PDE4D: variants seen among roughly 807,000 people sequenced by gnomAD.
PDE4D encodes the protein 3',5'-cyclic-AMP phosphodiesterase 4D.
In PDE4D, 24 loss-of-function variants were observed where a neutral mutation model predicts 87.4. The ratio of observed to expected loss-of-function variants is 0.27; its 90% CI spans 0.20 to 0.39. PDE4D has a LOEUF of 0.39. Ranked by LOEUF, PDE4D falls within the 10% of genes least tolerant of loss-of-function variation. The pLI, the probability that PDE4D is intolerant of heterozygous loss-of-function variation, is 1.00. For missense variants in PDE4D, 714 were observed against 1,041.0 expected (o/e 0.69, Z 4.32); for synonymous variants, 384 against 383.2 (o/e 1.00, Z -0.02).
intron 2 of PDE4D, among the ~76,000 whole-genome samples, chr5:60,072,892 T>C (rs1772878239): frequency 6.6e-6 from 1 of 152,168 alleles, no homozygotes; most frequent in Non-Finnish European, 1.5e-5. Flanking sequence ...TTGGATACCG[T>C]ATCCCTGTAG....
At chr5:59,659,931 T>C (rs1354994130) in intron 1 of PDE4D, among the ~76,000 whole-genome samples, 2 of 152,140 alleles carry the variant, frequency 1.3e-5, no homozygotes, top group East Asian at 3.9e-4. Flanking sequence ...ATGCCTGCAA[T>C]CTTACCACTT....
At chr5:59,111,655 C>T (rs1772662347) in intron 5 of PDE4D, among the ~76,000 whole-genome samples, 1 of 152,162 alleles carries the variant, frequency 6.6e-6, no homozygotes, top group Non-Finnish European at 1.5e-5. Flanking sequence ...TATTCTAAAT[C>T]CCAAGGGGAA....
chr5:59,287,654 G>A (rs527513790), intron 1 of PDE4D, among the ~76,000 whole-genome samples: 84 of 152,144 alleles, frequency 5.5e-4, no homozygotes, highest in African/African-American at 1.9e-3. Flanking sequence ...TGCAGTCCCA[G>A]TGGTGGTGGC....
chr5:59,430,471 C>T, intron 1 of PDE4D: 2 of 1,218,784 alleles, frequency 1.6e-6, no homozygotes, highest in Non-Finnish European at 2.0e-6. Context: ...GACCAGCATT[C>T]CTGGGAAGGC....
chr5:58,975,068 C>T lies in PDE4D; in HGVS notation c.2026G>A (p.Asp676Asn). 6.7e-7 allele frequency: 1 copy of T among 1,502,978 alleles called. No individual in the cohort carries two copies. 93.1% of individuals were successfully genotyped at this position (1,502,978 alleles called of 1,614,324 possible). ...TCCCAGAGGGGATGAACAATATAGT[C>T]TATGAAGCCCACCTAGTTAAGAAAA... ...SVEKSQVGFIDYIVHPLWETW... is the reference protein window; with the variant it reads ...SVEKSQVGFINYIVHPLWETW... The change falls in exon 15 of 15, where the codon GAC (aspartate) becomes AAC (asparagine). Residue 676 changes from aspartate (D) to asparagine (N), a missense_variant. Physicochemically the swap from Asp to Asn is conservative, Grantham distance 23. Around this residue, in one of 7 missense-constraint regions of PDE4D, gnomAD observed 97 missense variants for 176.9 expected, o/e 0.55. Coordinates refer to ENST00000340635, the MANE Select transcript of PDE4D (RefSeq NM_001104631.2). The surrounding 1 kb of genome is among the most constrained non-coding windows in gnomAD (Gnocchi z 4.2).
At chr5:59,226,488 G>A (rs1753801149) in intron 1 of PDE4D, among the ~76,000 whole-genome samples, 3 of 152,134 alleles carry the variant, frequency 2.0e-5, no homozygotes, top group African/African-American at 7.2e-5. Context: ...TGCTGGGCCT[G>A]GGTGGAGGGA....
At position 60,059,246 on chromosome 5, in the gene PDE4D, C is replaced by A. The variant is rs549903215; in HGVS notation, c.43-70529G>T. On this transcript the variant is annotated intron_variant, in intron 2 of 16. Coordinates refer to the PDE4D transcript ENST00000502484. Reference sequence around the variant, plus strand: ...GCAGCTGTCTGTGATCTTTCCACTTCCCAGTTTCTTGCATTCTAGTAGCAA... The same window carrying A: ...GCAGCTGTCTGTGATCTTTCCACTTACCAGTTTCTTGCATTCTAGTAGCAA... 5.9e-5 allele frequency among the ~76,000 whole-genome samples: 9 copies of A among 151,998 alleles called. No individual in the cohort carries two copies. The East Asian group carries it at 1.4e-3, about 23-fold the overall frequency.
At chr5:59,562,843 A>G (rs1485264588) in intron 1 of PDE4D, among the ~76,000 whole-genome samples, 1 of 152,008 alleles carries the variant, frequency 6.6e-6, no homozygotes, top group Non-Finnish European at 1.5e-5. Context: ...TCACTTCCTC[A>G]TATGGTAATT....
intron 2 of PDE4D, among the ~76,000 whole-genome samples, chr5:60,000,695 A>G (rs1763936402): frequency 6.6e-6 from 1 of 152,220 alleles, no homozygotes; most frequent in South Asian, 2.1e-4. Flanking sequence ...TAACTCTGGT[A>G]TAGAACTTAA....
chr5:59,102,334 C>G (rs1031439878), intron 5 of PDE4D, among the ~76,000 whole-genome samples: 16 of 152,060 alleles, frequency 1.1e-4, no homozygotes, highest in African/African-American at 3.6e-4. Flanking sequence ...GATCTGCACG[C>G]CTCGGCCTCC....
intron 1 of PDE4D, among the ~76,000 whole-genome samples, chr5:59,888,987 G>A (rs1175605397): frequency 6.6e-6 from 1 of 152,016 alleles, no homozygotes; most frequent in African/African-American, 2.4e-5. Flanking sequence ...AGCACTTTGG[G>A]AGGCCGAGGC....
intron 2 of PDE4D, chr5:60,032,664 T>C (rs1767364464): frequency 6.6e-6 from 1 of 152,200 alleles, no homozygotes; most frequent in Admixed American, 6.5e-5. Context: ...GATAATTTAC[T>C]AGATAAGGTA....
chr5:59,225,750 A>G (rs1436538357), intron 1 of PDE4D, among the ~76,000 whole-genome samples: 3 of 139,778 alleles, frequency 2.1e-5, no homozygotes, highest in Non-Finnish European at 3.1e-5. Flanking sequence ...TATATCTGAT[A>G]TGGTATTAAT....
rs141532777 is a variant in PDE4D at position 59,832,644 on chromosome 5, G to A, written c.455+60524C>T. Among the ~76,000 whole-genome samples the A allele has an allele frequency of 4.1e-3, 619 of 152,020 alleles. 1 individual carries two copies. The highest frequency in any genetic ancestry group is 0.01 in the Middle Eastern group (3 of 294). On this transcript the variant is annotated intron_variant, in intron 1 of 14. Transcript: ENST00000340635. ...CCTAAAATTAGAGTATTACAAAATA[G>A]CCCTGAGATCTCAAAAGCCTAAACA...
chr5:60,030,355 C>G (rs2152859163), intron 2 of PDE4D, among the ~76,000 whole-genome samples: 1 of 152,272 alleles, frequency 6.6e-6, no homozygotes, highest in Admixed American at 6.5e-5. Flanking sequence ...GAGGCTGAGG[C>G]AGGAGAATGG....
intron 1 of PDE4D, among the ~76,000 whole-genome samples, chr5:59,769,844 A>C (rs1379176377): frequency 1.3e-5 from 2 of 151,886 alleles, no homozygotes; most frequent in Non-Finnish European, 2.9e-5. Flanking sequence ...CATCCAGAAA[A>C]AAAAAAATGG....
At chr5:59,627,096 T>C (rs567952692) in intron 1 of PDE4D, among the ~76,000 whole-genome samples, 22 of 152,102 alleles carry the variant, frequency 1.4e-4, no homozygotes, top group African/African-American at 2.7e-4. Flanking sequence ...TACAACCACA[T>C]TCAGGCAATA....
chr5:59,132,705 C>T (rs1227094212), intron 5 of PDE4D, among the ~76,000 whole-genome samples: 1 of 152,140 alleles, frequency 6.6e-6, no homozygotes, highest in Admixed American at 6.5e-5. Context: ...GCCTTTAAGA[C>T]ATGTTGATAA....
At chr5:59,046,096 A>C (rs75085023) in intron 5 of PDE4D, among the ~76,000 whole-genome samples, 2 of 152,228 alleles carry the variant, frequency 1.3e-5, no homozygotes, top group African/African-American at 4.8e-5. Context: ...GGAGAAAAAA[A>C]CAATGGAATT....
Sources: allele counts gnomAD v4.1 joint callset (sites outside exome capture counted in the v4.1 genomes callset), GRCh38; gene constraint gnomAD v4.1.1; regional missense constraint gnomAD v4.1.1; non-coding constraint Gnocchi (gnomAD v3.1); transcripts MANE v1.5; gene names NCBI Gene and HGNC (gene_info 2026-07-23, HGNC 2026-07-21).